Variants in ZKSCAN1 observed in about 807,000 individuals in gnomAD.
ZKSCAN1 encodes zinc finger with KRAB and SCAN domains 1, also known as zinc finger protein with KRAB and SCAN domains 1.
Under a neutral mutation model 51.6 loss-of-function variants are expected in ZKSCAN1, and 14 were observed. That is an observed-to-expected ratio of 0.27 (90% CI 0.18 to 0.42). ZKSCAN1 has a LOEUF of 0.42. Among genes scored for constraint, ZKSCAN1 ranks in the 10% least tolerant of loss-of-function variants. ZKSCAN1 has a pLI of 1.00. For synonymous variants in ZKSCAN1, 263 were observed against 261.5 expected, an observed-to-expected ratio of 1.01 and a Z score of -0.06; for missense variants, 531 against 710.0, an observed-to-expected ratio of 0.75 and a Z score of 2.86.
At chr7:100,023,965 A>G in intron 2 of ZKSCAN1, 33 bp downstream of exon 2, 1 of 1,541,408 alleles carries the variant, frequency 6.5e-7, no homozygotes, top group Non-Finnish European at 8.7e-7. Flanking sequence ...ATGTGTGAGC[A>G]GGGCACAGAC....
intron 1 of ZKSCAN1, among the ~76,000 whole-genome samples, chr7:100,017,482 C>G (rs1369599566): frequency 6.6e-6 from 1 of 152,240 alleles, no homozygotes; most frequent in East Asian, 1.9e-4. Flanking sequence ...CTCAGCCTCC[C>G]AAAGTGCTGG....
intron 5 of ZKSCAN1, 142 bp downstream of exon 5, chr7:100,030,517 A>C: frequency 9.1e-7 from 1 of 1,097,736 alleles, no homozygotes; most frequent in Non-Finnish European, 1.3e-6. Context: ...GAAAGTGAGA[A>C]TGTTTGTGTT....
chr7:100,030,700 TG>T (rs1281267818), intron 5 of ZKSCAN1, among the ~76,000 whole-genome samples: 2 of 74,812 alleles, frequency 2.7e-5, no homozygotes, highest in Non-Finnish European at 5.1e-5. Context: ...ACAATTTAGG[TG>T]CCTCTGTCGG....
At chr7:100,024,463 G>T in intron 3 of ZKSCAN1, 156 bp downstream of exon 3, 1 of 925,238 alleles carries the variant, frequency 1.1e-6, no homozygotes, top group Non-Finnish European at 1.6e-6. Flanking sequence ...GTATAGTGGC[G>T]CACACCTGTG....
chr7:100,023,327 A>G (rs1174838286), intron 1 of ZKSCAN1, 92 bp from the exon 2 acceptor site: 4 of 663,136 alleles, frequency 6.0e-6, no homozygotes, highest in Non-Finnish European at 9.7e-6. Flanking sequence ...GCGTTCTGAT[A>G]GTGCCTCGAT....
intron 3 of ZKSCAN1, among the ~76,000 whole-genome samples, chr7:100,029,164 CAAA>C (rs56176717): frequency 7.7e-4 from 93 of 120,278 alleles, no homozygotes; most frequent in African/African-American, 2.7e-3. Flanking sequence ...AACTCTGTCT[CAAA>C]AAAAAAAAAA....
Position 100,023,669 on chromosome 7 carries a change from T to G in ZKSCAN1, c.163T>G (p.Phe55Val). ...QDTPPPDPEIFRQRFRRFCYQ... is the reference protein window; with the variant it reads ...QDTPPPDPEIVRQRFRRFCYQ... Reference sequence around the variant, plus strand: ...CACGCCTCCTCCAGACCCAGAGATATTCCGCCAACGCTTCAGGCGCTTCTG... The same window carrying G: ...CACGCCTCCTCCAGACCCAGAGATAGTCCGCCAACGCTTCAGGCGCTTCTG... Residue 55 changes from phenylalanine to valine, a missense_variant, in exon 2 of 6, where the codon TTC becomes GTC. Phe to Val is a conservative substitution (Grantham distance 50). Around this residue, in one of 2 missense-constraint regions of ZKSCAN1, gnomAD observed 403 missense variants for 490.5 expected, o/e 0.82. Coordinates refer to ENST00000324306, the MANE Select transcript of ZKSCAN1 (RefSeq NM_003439.4). 1 of 1,614,132 alleles carries G rather than the reference T, an allele frequency of 6.2e-7. No individual in the cohort carries two copies. Among genetic ancestry groups the G allele is most frequent in the Non-Finnish European group, 8.5e-7 (1 of 1,180,034 alleles).
At chr7:100,018,826 C>A (rs947057183) in intron 1 of ZKSCAN1, among the ~76,000 whole-genome samples, 1 of 152,158 alleles carries the variant, frequency 6.6e-6, no homozygotes, top group Admixed American at 6.5e-5. Flanking sequence ...TCCCTGCACC[C>A]CAGAGTAGGA....
In ZKSCAN1 at chr7:100,041,336, T is replaced by C. The variant is rs1292580304; in HGVS notation, c.*7139T>C. 1 of 985,186 alleles carries C rather than the reference T, an allele frequency of 1.0e-6. No individual in the cohort carries two copies. Among genetic ancestry groups the C allele is most frequent in the East Asian group, 1.1e-4 (1 of 8,836 alleles). 61.0% of individuals were successfully genotyped at this position (985,186 alleles called of 1,614,324 possible). A position where few individuals can be genotyped will look rare whatever the true frequency, so the allele number is the denominator to read the frequency against. On this transcript the variant is annotated 3_prime_UTR_variant, in exon 6 of 6. Coordinates refer to ENST00000324306, the MANE Select transcript of ZKSCAN1 (RefSeq NM_003439.4). ...TTCAATACGTGATTTTTTTTTTAAT[T>C]GAATGTGTTCATTTAAAATCCTCCT... is the stretch of plus-strand genomic sequence containing the variant.
rs1371552092 is a variant in ZKSCAN1 at position 100,038,727 on chromosome 7, G to T, written c.*4530G>T. On this transcript the variant is annotated 3_prime_UTR_variant, in exon 6 of 6. Transcript: ENST00000324306. Reference sequence around the variant, plus strand: ...AATTGAGGATAAGGCTGGGCACAGTGGCTCAGGCCTGTAATCCCAGCACTT... The same window carrying T: ...AATTGAGGATAAGGCTGGGCACAGTTGCTCAGGCCTGTAATCCCAGCACTT... 1.0e-6 allele frequency: 1 copy of T among 985,366 alleles called. No homozygotes were observed. The highest frequency in any genetic ancestry group is 1.2e-6 in the Non-Finnish European group (1 of 830,010). 61.0% of individuals were successfully genotyped at this position (985,366 alleles called of 1,614,324 possible). A position where few individuals can be genotyped will look rare whatever the true frequency, so the allele number is the denominator to read the frequency against.
intron 4 of ZKSCAN1, 122 bp from the exon 5 acceptor site, chr7:100,030,126 GC>G: frequency 6.7e-7 from 1 of 1,488,364 alleles, no homozygotes; most frequent in Non-Finnish European, 9.1e-7. Flanking sequence ...CCAGGTTCTG[GC>G]CACCCTTTTC....
chr7:100,033,486 A>G lies in ZKSCAN1; in HGVS notation c.981A>G (p.Lys327=), dbSNP rs372951739. The G allele has an allele frequency of 6.2e-6, 10 of 1,613,926 alleles. No homozygotes were observed. The African/African-American group carries it at 1.3e-4, about 22-fold the overall frequency. Reference sequence around the variant, plus strand: ...CTGAGGAGAAAACCAGGAAAGAGAAAAGAGATTCAGGGCCAGCTATAGGAA... The same window carrying G: ...CTGAGGAGAAAACCAGGAAAGAGAAGAGAGATTCAGGGCCAGCTATAGGAA... ...KNPEEKTRKE[K]RDSGPAIGKD... The change falls in exon 6 of 6, where the codon AAA becomes AAG. Residue 327 remains lysine, a synonymous_variant. Coordinates refer to ENST00000324306, the MANE Select transcript of ZKSCAN1 (RefSeq NM_003439.4). The surrounding 1 kb of genome is among the most constrained non-coding windows in gnomAD (Gnocchi z 4.1).
At position 100,034,652 on chromosome 7, in the gene ZKSCAN1, A is replaced by G. The variant is rs1456322495; in HGVS notation, c.*455A>G. On this transcript the variant is annotated 3_prime_UTR_variant, in exon 6 of 6. Coordinates refer to ENST00000324306, the MANE Select transcript of ZKSCAN1 (RefSeq NM_003439.4). ...TATTTCTCAAAAAAGAGGGACAGTGAAAACAAAAACGACATTGGGACATGC... is the reference window on the plus strand; with the variant it reads ...TATTTCTCAAAAAAGAGGGACAGTGGAAACAAAAACGACATTGGGACATGC... 1.6e-5 allele frequency: 12 copies of G among 761,374 alleles called. No individual in the cohort carries two copies. Among genetic ancestry groups the G allele is most frequent in the Middle Eastern group, 1.3e-3 (2 of 1,484 alleles). 47.2% of individuals were successfully genotyped at this position (761,374 alleles called of 1,614,324 possible).
chr7:100,041,581 T>G lies in ZKSCAN1; in HGVS notation c.*7384T>G, dbSNP rs555881855. 306 of 985,396 alleles carry G rather than the reference T, an allele frequency of 3.1e-4. 8 individuals carry two copies. The South Asian group carries it at 0.012, about 38-fold the overall frequency. 61.0% of individuals were successfully genotyped at this position (985,396 alleles called of 1,614,324 possible). ...CCAGTGGCGTCTGATAAAGAAATGT[T>G]AAGAGTAGTGAGGTTGAGGAAGGAA... On this transcript the variant is annotated 3_prime_UTR_variant, in exon 6 of 6. Transcript: ENST00000324306.
downstream of ZKSCAN1, among the ~76,000 whole-genome samples, chr7:100,042,381 A>G (rs149780952): frequency 2.4e-4 from 37 of 152,006 alleles, no homozygotes; most frequent in Non-Finnish European, 4.7e-4. Flanking sequence ...GAGGCATCCA[A>G]ACACATCTCT....
In ZKSCAN1 at chr7:100,033,307, G is replaced by A. The variant is rs747242695; in HGVS notation, c.802G>A (p.Gly268Ser). ...GAATTTTCTATTTATTATGTCAGGT[G>A]GTGAAAACAGGAATGAGAACGAGGA... ...ENYGSAFPQG[G>S]ENRNENEEST... The change falls in exon 6 of 6, where the codon GGT becomes AGT. Residue 268 changes from glycine (G) to serine (S), a missense_variant and splice_region_variant. Gly to Ser is a moderately conservative substitution (Grantham distance 56, BLOSUM62 0). Around this residue, in one of 2 missense-constraint regions of ZKSCAN1, gnomAD observed 403 missense variants for 490.5 expected, o/e 0.82. Coordinates refer to ENST00000324306, the MANE Select transcript of ZKSCAN1 (RefSeq NM_003439.4). This position sits in a 1 kb window ranked among gnomAD's most constrained non-coding sequence, Gnocchi z 4.1. 1 of 1,596,256 alleles carries A rather than the reference G, an allele frequency of 6.3e-7. No individual in the cohort carries two copies. The highest frequency in any genetic ancestry group is 1.1e-5 in the South Asian group (1 of 87,312).
chr7:100,018,425 G>A (rs1328115084), intron 1 of ZKSCAN1, among the ~76,000 whole-genome samples: 1 of 148,744 alleles, frequency 6.7e-6, no homozygotes, highest in Non-Finnish European at 1.5e-5. Context: ...TTTTTTTTGA[G>A]ACAGAGTCTC....
At chr7:100,019,565 A>G (rs1434165439) in intron 1 of ZKSCAN1, among the ~76,000 whole-genome samples, 1 of 152,046 alleles carries the variant, frequency 6.6e-6, no homozygotes, top group East Asian at 1.9e-4. Context: ...TATACCCCAC[A>G]TGTCAGGTAC....
At chr7:100,032,440 C>T (rs1300754741) in intron 5 of ZKSCAN1, among the ~76,000 whole-genome samples, 3 of 152,168 alleles carry the variant, frequency 2.0e-5, no homozygotes, top group Admixed American at 6.5e-5. Context: ...TGTCATTTCC[C>T]CTTACTCTCC....
Sources: allele counts gnomAD v4.1 joint callset (sites outside exome capture counted in the v4.1 genomes callset), GRCh38; gene constraint gnomAD v4.1.1; regional missense constraint gnomAD v4.1.1; non-coding constraint Gnocchi (gnomAD v3.1); transcripts MANE v1.5; gene names NCBI Gene and HGNC (gene_info 2026-07-23, HGNC 2026-07-21).